Variants in ABHD18 observed in about 807,000 individuals in gnomAD.
ABHD18 encodes the protein cardiolipin-specific deacylase, mitochondrial.
A neutral mutation model predicts 65.9 loss-of-function variants in ABHD18; 55 were observed. The observed-to-expected ratio is 0.84, with a 90% CI of 0.67 to 1.05. The LOEUF (loss-of-function observed/expected upper bound fraction) is 1.05. Among genes scored for constraint, ABHD18 ranks in the 50% least tolerant of loss-of-function variants. The probability of loss-of-function intolerance (pLI) is 0.00; values close to 1 mark genes in which losing one functional copy is unlikely to be tolerated. For missense variants in ABHD18, 533 were observed against 558.5 expected, an observed-to-expected ratio of 0.95 and a Z score of 0.46; for synonymous variants, 181 against 180.2, an observed-to-expected ratio of 1.00 and a Z score of -0.04.
chr4:127,987,858 C>A (rs112729112), intron 3 of ABHD18, among the ~76,000 whole-genome samples: 1 of 151,950 alleles, frequency 6.6e-6, no homozygotes, highest in African/African-American at 2.4e-5. Context: ...AAATGCAATG[C>A]AATTTCAATT....
At chr4:127,968,598 G>A (rs996011129) in intron 1 of ABHD18, among the ~76,000 whole-genome samples, 3 of 152,174 alleles carry the variant, frequency 2.0e-5, no homozygotes, top group African/African-American at 7.2e-5. Flanking sequence ...AATGATGAGT[G>A]TCACTTTAGC....
chr4:127,989,597 G>T (rs2149086070), intron 3 of ABHD18, 124 bp from the exon 4 acceptor site: 2 of 552,044 alleles, frequency 3.6e-6, no homozygotes, highest in Admixed American at 7.1e-5. Flanking sequence ...GGCATAAAAA[G>T]TTTACATAGT....
intron 4 of ABHD18, among the ~76,000 whole-genome samples, chr4:127,994,674 A>G (rs1219315337): frequency 6.6e-6 from 1 of 152,190 alleles, no homozygotes; most frequent in East Asian, 1.9e-4. Context: ...GTATTCAAAT[A>G]TTACCCAAGA....
intron 6 of ABHD18, 128 bp from the exon 7 acceptor site, chr4:128,011,545 C>A: frequency 2.0e-6 from 1 of 509,902 alleles, no homozygotes; most frequent in Non-Finnish European, 3.2e-6. Context: ...TCTAAACAGC[C>A]TACTTAAGAT....
At chr4:128,030,905 G>A in intron 12 of ABHD18, 1 of 1,212,492 alleles carries the variant, frequency 8.2e-7, no homozygotes. Flanking sequence ...GCTTTATCGT[G>A]TGGCTTTCCC....
At chr4:127,975,654 A>G (rs149180378) in intron 1 of ABHD18, among the ~76,000 whole-genome samples, 1 of 152,326 alleles carries the variant, frequency 6.6e-6, no homozygotes, top group East Asian at 1.9e-4. Context: ...TCTAAATTTT[A>G]TGGAGGAAAA....
intron 1 of ABHD18, among the ~76,000 whole-genome samples, chr4:127,970,188 A>G (rs989536762): frequency 1.3e-5 from 2 of 151,978 alleles, no homozygotes; most frequent in Non-Finnish European, 2.9e-5. Flanking sequence ...CAGCCTAGCC[A>G]GGATTTTTAA....
intron 2 of ABHD18, among the ~76,000 whole-genome samples, chr4:127,983,875 A>T (rs988958262): frequency 7.2e-5 from 11 of 151,890 alleles, no homozygotes; most frequent in African/African-American, 2.2e-4. Context: ...TAAAAAAAAT[A>T]AAAAAATACA....
chr4:127,988,813 G>A (rs548034384), intron 3 of ABHD18, among the ~76,000 whole-genome samples: 1 of 152,136 alleles, frequency 6.6e-6, no homozygotes, highest in Non-Finnish European at 1.5e-5. Context: ...AGGAAACCTC[G>A]TACAGTGTTG....
chr4:127,986,582 G>C (rs189107577), intron 3 of ABHD18, among the ~76,000 whole-genome samples: 76 of 152,324 alleles, frequency 5.0e-4, no homozygotes, highest in Middle Eastern at 3.4e-3. Context: ...ATACTGAAGA[G>C]TTTAATTATT....
intron 4 of ABHD18, among the ~76,000 whole-genome samples, chr4:127,995,020 T>A (rs1751511292): frequency 6.6e-6 from 1 of 152,048 alleles, no homozygotes. Context: ...GCTGGGATTA[T>A]AGGCACATGT....
intron 7 of ABHD18, among the ~76,000 whole-genome samples, chr4:128,011,987 T>TC (rs1339865730): frequency 1.3e-5 from 2 of 151,666 alleles, no homozygotes; most frequent in East Asian, 1.9e-4. Context: ...ACCCTTTCTT[T>TC]TTTTTTTTTT....
At chr4:127,991,258 G>A (rs771681661) in intron 4 of ABHD18, among the ~76,000 whole-genome samples, 2 of 152,152 alleles carry the variant, frequency 1.3e-5, no homozygotes. Flanking sequence ...AGTCTCCAGA[G>A]TCTTGCTCTG....
intron 3 of ABHD18, among the ~76,000 whole-genome samples, chr4:127,987,088 C>A (rs563276236): frequency 1.3e-5 from 2 of 152,184 alleles, no homozygotes; most frequent in Non-Finnish European, 2.9e-5. Flanking sequence ...TGCCGTGCCT[C>A]ACACCTGTAA....
intron 12 of ABHD18, 79 bp downstream of exon 12, chr4:128,030,751 A>G (rs1758093854): frequency 1.3e-6 from 2 of 1,516,554 alleles, no homozygotes; most frequent in Non-Finnish European, 1.8e-6. Context: ...AATGTAAAAG[A>G]TCACATATTT....
At chr4:128,011,632 TTTAA>T in intron 6 of ABHD18, 37 bp from the exon 7 acceptor site, 1 of 1,491,172 alleles carries the variant, frequency 6.7e-7, no homozygotes, top group Non-Finnish European at 9.0e-7. Flanking sequence ...AACAAAATTA[TTTAA>T]TTATTTTAAA....
chr4:128,021,324 A>C (rs1756464612), intron 10 of ABHD18, 86 bp downstream of exon 10: 1 of 821,312 alleles, frequency 1.2e-6, no homozygotes, highest in Non-Finnish European at 1.9e-6. Context: ...GAGAATAGCA[A>C]ATTTTTAAAA....
At chr4:128,021,034 C>CAAAAA in intron 9 of ABHD18, 103 bp from the exon 10 acceptor site, 1 of 443,442 alleles carries the variant, frequency 2.3e-6, no homozygotes, top group South Asian at 3.2e-5. Flanking sequence ...ACTTCGTCTG[C>CAAAAA]AAAAAAAAAA....
At chr4:127,986,654 T>C (rs1388494107) in intron 3 of ABHD18, among the ~76,000 whole-genome samples, 5 of 152,208 alleles carry the variant, frequency 3.3e-5, no homozygotes, top group Non-Finnish European at 7.3e-5. Flanking sequence ...TTTTCCAAAG[T>C]GACTATACTA....
Sources: allele counts gnomAD v4.1 joint callset (sites outside exome capture counted in the v4.1 genomes callset), GRCh38; gene constraint gnomAD v4.1.1; transcripts MANE v1.5; gene names NCBI Gene and HGNC (gene_info 2026-07-23, HGNC 2026-07-21).